The following MAP3K20 variants were observed in gnomAD, a reference collection of about 807,000 sequenced individuals.
The protein encoded by MAP3K20 is mitogen-activated protein kinase kinase kinase 20, also known as HCCS-4.
Under a neutral mutation model 85.7 loss-of-function variants are expected in MAP3K20, and 40 were observed. That is an observed-to-expected ratio of 0.47 (90% CI 0.36 to 0.61). MAP3K20 has a LOEUF of 0.61. MAP3K20 is among the 20% of genes least tolerant of loss of function. The pLI is 0.00. For missense variants in MAP3K20, 817 were observed against 961.7 expected (o/e 0.85, Z 1.99); for synonymous variants, 325 against 327.7 (o/e 0.99, Z 0.09).
intron 2 of MAP3K20, among the ~76,000 whole-genome samples, chr2:173,096,161 G>A (rs981480217): frequency 4.6e-5 from 7 of 152,060 alleles, no homozygotes; most frequent in Non-Finnish European, 8.8e-5. Context: ...ACTTCATCCT[G>A]TATATTGTTC....
At chr2:173,218,703 T>A (rs1045314886) in intron 11 of MAP3K20, among the ~76,000 whole-genome samples, 1 of 152,240 alleles carries the variant, frequency 6.6e-6, no homozygotes, top group Non-Finnish European at 1.5e-5. Flanking sequence ...ATGGCTTGAC[T>A]CTTTCTAAAT....
At chr2:173,261,613 A>G (rs572543722) in intron 18 of MAP3K20, among the ~76,000 whole-genome samples, 2 of 152,216 alleles carry the variant, frequency 1.3e-5, no homozygotes, top group East Asian at 1.9e-4. Flanking sequence ...CATTTCATTC[A>G]TTCATCAATT....
At chr2:173,249,573 A>G (rs1553468714) in intron 16 of MAP3K20, among the ~76,000 whole-genome samples, 2 of 152,182 alleles carry the variant, frequency 1.3e-5, no homozygotes, top group Non-Finnish European at 2.9e-5. Flanking sequence ...AGCTGTTTTT[A>G]TATTTTGAGG....
intron 2 of MAP3K20, among the ~76,000 whole-genome samples, chr2:173,107,661 A>T (rs76620913): frequency 0.047 from 7,112 of 152,336 alleles, 370 homozygotes; most frequent in African/African-American, 0.12. Context: ...AGCGTCAGAC[A>T]GGTGTAGATT....
chr2:173,095,043 A>AT (rs1687419475), intron 2 of MAP3K20, among the ~76,000 whole-genome samples: 1 of 151,910 alleles, frequency 6.6e-6, no homozygotes, highest in African/African-American at 2.4e-5. Flanking sequence ...GTTTGCCCTT[A>AT]TTTTTTCCTT....
intron 2 of MAP3K20, among the ~76,000 whole-genome samples, chr2:173,136,131 T>C (rs975742265): frequency 6.6e-6 from 1 of 152,216 alleles, no homozygotes; most frequent in African/African-American, 2.4e-5. Context: ...AAGCAGCATG[T>C]GCCACCTTGT....
rs182823758 is a variant in MAP3K20, at chr2:173,116,965, G to T, written c.159+25775G>T. The stretch of plus-strand genomic sequence containing the variant: ...TGAAAAAGAAGCAAACTGGATCATT[G>T]TTCTTGAATGGTGGCAGCAATGGGG... On this transcript the variant is annotated intron_variant, in intron 2 of 19. Coordinates refer to ENST00000375213, the MANE Select transcript of MAP3K20 (RefSeq NM_016653.3). Among the ~76,000 whole-genome samples the T allele has an allele frequency of 4.6e-5, 7 of 152,292 alleles. No homozygotes were observed. In the East Asian group the frequency reaches 1.2e-3, roughly 25 times the overall value.
At chr2:173,264,912 G>C (rs1251305900) in intron 19 of MAP3K20, among the ~76,000 whole-genome samples, 1 of 152,180 alleles carries the variant, frequency 6.6e-6, no homozygotes, top group Non-Finnish European at 1.5e-5. Flanking sequence ...GAGTTTCAGT[G>C]TTGCAAGATG....
intron 2 of MAP3K20, among the ~76,000 whole-genome samples, chr2:173,141,043 C>T (rs12996371): frequency 1.3e-5 from 2 of 152,220 alleles, no homozygotes; most frequent in African/African-American, 4.8e-5. Context: ...ATCATAAAAA[C>T]GTGTCCCAAT....
chr2:173,201,193 T>C (rs1409472770), intron 8 of MAP3K20, among the ~76,000 whole-genome samples: 2 of 152,212 alleles, frequency 1.3e-5, no homozygotes, highest in African/African-American at 4.8e-5. Flanking sequence ...AAATAAGATG[T>C]TTAAACAGTC....
intron 2 of MAP3K20, among the ~76,000 whole-genome samples, chr2:173,106,602 G>C (rs184789327): frequency 6.6e-6 from 1 of 152,324 alleles, no homozygotes; most frequent in Admixed American, 6.5e-5. Flanking sequence ...GGAGTAAACA[G>C]AGAATTGGAT....
At position 173,225,018 on chromosome 2, in the gene MAP3K20, A is replaced by T. The variant is rs534900173; in HGVS notation, c.988-4671A>T. 5.7e-5 allele frequency: 56 copies of T among 983,204 alleles called. No individual in the cohort carries two copies. The African/African-American group carries it at 8.2e-4, about 14-fold the overall frequency. The allele number at this position is 983,204 out of a possible 1,614,324, so 60.9% of individuals were successfully genotyped here. A position where few individuals can be genotyped will look rare whatever the true frequency, so the allele number is the denominator to read the frequency against. ...GTGAGAAATGTAAACATTCAAAATG[A>T]TAATTGAATCTCTCAGTTGTGGGAA... On this transcript the variant is annotated intron_variant, in intron 11 of 19. Transcript: ENST00000375213.
chr2:173,103,827 A>G (rs927363652), intron 2 of MAP3K20, among the ~76,000 whole-genome samples: 6 of 152,094 alleles, frequency 3.9e-5, no homozygotes, highest in Non-Finnish European at 7.4e-5. Flanking sequence ...TCCTGAGCAC[A>G]TATTTTTCTA....
chr2:173,093,691 G>A (rs1034356559), intron 2 of MAP3K20, among the ~76,000 whole-genome samples: 1 of 151,956 alleles, frequency 6.6e-6, no homozygotes, highest in African/African-American at 2.4e-5. Context: ...ACATGCACAC[G>A]TATGTTTATT....
In MAP3K20 at chr2:173,100,279, A is replaced by T. The variant is rs141117470; in HGVS notation, c.159+9089A>T. On this transcript the variant is annotated intron_variant, in intron 2 of 19. Coordinates refer to ENST00000375213, the MANE Select transcript of MAP3K20 (RefSeq NM_016653.3). ...TGAATTTGGTGAAGGGCTTTACACC[A>T]TTGCCCTCTTCTTCTTCACAGTCAC... Among the ~76,000 whole-genome samples the T allele has an allele frequency of 1.2e-3, 176 of 152,322 alleles. 2 individuals are homozygous for T. Among genetic ancestry groups the T allele is most frequent in the Admixed American group, 3.3e-3 (50 of 15,302 alleles).
chr2:173,086,085 C>T (rs748925599), intron 1 of MAP3K20, among the ~76,000 whole-genome samples: 11 of 151,946 alleles, frequency 7.2e-5, no homozygotes, highest in Non-Finnish European at 1.2e-4. Context: ...CGTGAGCCAC[C>T]GTGCCTGGCC....
chr2:173,216,027 T>TC (rs1186280436), intron 10 of MAP3K20, among the ~76,000 whole-genome samples: 13 of 152,064 alleles, frequency 8.5e-5, no homozygotes, highest in African/African-American at 3.1e-4. Context: ...CCCATCTTCT[T>TC]CTGCATCCTT....
chr2:173,158,608 A>G (rs535390918), intron 2 of MAP3K20, among the ~76,000 whole-genome samples: 33 of 152,390 alleles, frequency 2.2e-4, no homozygotes, highest in South Asian at 1.2e-3. Flanking sequence ...CAAGCAAAAT[A>G]TGTAAATGGA....
intron 17 of MAP3K20, among the ~76,000 whole-genome samples, chr2:173,260,468 T>C (rs1406591115): frequency 6.8e-6 from 1 of 146,382 alleles, no homozygotes; most frequent in African/African-American, 2.4e-5. Flanking sequence ...GAAAGGGGGA[T>C]GGCAGGAGAG....
Sources: gnomAD v4.1 joint callset for allele counts (sites outside exome capture counted in the v4.1 genomes callset) on GRCh38, gnomAD v4.1.1 for gene constraint, MANE v1.5 for transcripts, NCBI Gene and HGNC (gene_info 2026-07-23, HGNC 2026-07-21) for gene names.